SLC11A2: variants seen among roughly 807,000 people sequenced by gnomAD.
SLC11A2 encodes natural resistance-associated macrophage protein 2.
In SLC11A2, 38 loss-of-function variants were observed where a neutral mutation model predicts 68.0. That is an observed-to-expected ratio of 0.56 (90% confidence interval 0.43 to 0.73). The LOEUF is 0.73. SLC11A2 is among the 30% of genes least tolerant of loss of function. The probability of loss-of-function intolerance (pLI) is 0.00; values close to 1 mark genes in which losing one functional copy is unlikely to be tolerated. For synonymous variants in SLC11A2, 242 were observed against 250.6 expected (o/e 0.97, Z 0.32); for missense variants, 517 against 690.5 (o/e 0.75, Z 2.82).
intron 8 of SLC11A2, among the ~76,000 whole-genome samples, chr12:50,998,716 G>A (rs1047992396): frequency 2.0e-5 from 3 of 152,146 alleles, no homozygotes; most frequent in Admixed American, 2.0e-4. Flanking sequence ...CTGGGTTGGG[G>A]CACAAACCAG....
chr12:50,999,084 G>A, intron 8 of SLC11A2, 90 bp downstream of exon 8: 1 of 1,095,352 alleles, frequency 9.1e-7, no homozygotes, highest in Non-Finnish European at 1.4e-6. Context: ...AATCATACTA[G>A]CATTATTACT....
At chr12:50,961,116 T>C in the SLC11A2 span, 520 of 1,613,186 alleles carry the variant, frequency 3.2e-4, no homozygotes, top group Non-Finnish European at 3.9e-4. Context: ...ACCCGCTTAA[T>C]TTGTATCTTA....
chr12:50,996,283 C>T (rs978745764), intron 9 of SLC11A2, among the ~76,000 whole-genome samples: 8 of 152,170 alleles, frequency 5.3e-5, no homozygotes, highest in African/African-American at 1.9e-4. Flanking sequence ...TTATGAAGAA[C>T]TTTAGTCCCA....
the SLC11A2 span, among the ~76,000 whole-genome samples, chr12:50,964,254 G>A: frequency 6.6e-6 from 1 of 152,216 alleles, no homozygotes; most frequent in Non-Finnish European, 1.5e-5. Flanking sequence ...GTTATTGCTA[G>A]TATTATATCT....
chr12:50,992,328 G>GT lies in SLC11A2; in HGVS notation c.1208dup (p.Asn403LysfsTer38). 3 of 1,613,916 alleles carry GT rather than the reference G, an allele frequency of 1.9e-6. No individual in the cohort carries two copies. The highest frequency in any genetic ancestry group is 2.5e-6 in the Non-Finnish European group (3 of 1,179,958). On this transcript the variant is annotated frameshift_variant, in exon 13 of 16. Coordinates refer to ENST00000262052, the MANE Select transcript of SLC11A2 (RefSeq NM_000617.3). LOFTEE classifies it high-confidence loss of function. ...CTCGGGCAAAGCGTGACCACTTTAGGTTCAGGAATCCCTGGAAGAAAACAT... is the reference window on the plus strand; with the variant it reads ...CTCGGGCAAAGCGTGACCACTTTAGGTTTCAGGAATCCCTGGAAGAAAACAT...
At chr12:50,955,661 A>C in the SLC11A2 span, among the ~76,000 whole-genome samples, 11,362 of 152,296 alleles carry the variant, frequency 0.075, 784 homozygotes, top group East Asian at 0.28. Context: ...AAAGAATCAA[A>C]TTTTACTTTA....
intron 1 of SLC11A2, among the ~76,000 whole-genome samples, chr12:51,015,357 C>T (rs1943564078): frequency 1.3e-5 from 2 of 151,040 alleles, no homozygotes; most frequent in South Asian, 2.1e-4. Context: ...TGCCTGTAAT[C>T]CCAGCTACTC....
chr12:50,978,850 T>C (rs1395280109), downstream of SLC11A2, among the ~76,000 whole-genome samples: 1 of 152,170 alleles, frequency 6.6e-6, no homozygotes, highest in South Asian at 2.1e-4. Context: ...GAGAAGGCTG[T>C]TTATATTAGC....
At chr12:51,008,295 T>C (rs893782373) in intron 3 of SLC11A2, 181 bp downstream of exon 3, 5 of 560,036 alleles carry the variant, frequency 8.9e-6, no homozygotes, top group Non-Finnish European at 1.6e-5. Flanking sequence ...TAGATAGATA[T>C]AGATGGGGTG....
At chr12:50,960,848 A>AT in the SLC11A2 span, 3 of 786,744 alleles carry the variant, frequency 3.8e-6, no homozygotes, top group South Asian at 2.2e-5. Flanking sequence ...ATGTGTGGCT[A>AT]ATTTTTTTTT....
intron 3 of SLC11A2, among the ~76,000 whole-genome samples, chr12:51,006,956 C>G (rs1018970682): frequency 6.6e-6 from 1 of 152,090 alleles, no homozygotes; most frequent in Non-Finnish European, 1.5e-5. Flanking sequence ...ATTGCCCAAG[C>G]TGGTTGGTCT....
At chr12:50,959,213 G>A in the SLC11A2 span, among the ~76,000 whole-genome samples, 3 of 151,826 alleles carry the variant, frequency 2.0e-5, no homozygotes, top group African/African-American at 7.3e-5. Context: ...TCTGCCTCCC[G>A]GGTTCAAGCG....
chr12:51,008,239 TAG>T lies in SLC11A2; in HGVS notation c.183+235_183+236del, dbSNP rs1566020156. On this transcript the variant is annotated intron_variant, in intron 3 of 15. Transcript: ENST00000262052. Reference sequence around the variant, plus strand: ...TTAGATAGACAGATAGATAGATAGATAGATAGATAGATAGATAGATAGACGGA... The same window carrying T: ...TTAGATAGACAGATAGATAGATAGATATAGATAGATAGATAGATAGACGGA... The T allele has an allele frequency of 4.3e-5, 18 of 417,184 alleles. 1 individual carries two copies. Among genetic ancestry groups the T allele is most frequent in the South Asian group, 3.0e-4 (12 of 40,618 alleles). 25.8% of individuals were successfully genotyped at this position (417,184 alleles called of 1,614,324 possible).
chr12:50,993,149 T>TC, intron 11 of SLC11A2: 2 of 529,460 alleles, frequency 3.8e-6, no homozygotes, highest in Non-Finnish European at 6.8e-6. Flanking sequence ...CTCTGCCTAG[T>TC]CCTTTCTCTT....
downstream of SLC11A2, among the ~76,000 whole-genome samples, chr12:50,978,518 G>T (rs144667851): frequency 3.6e-3 from 539 of 147,938 alleles, 5 homozygotes; most frequent in African/African-American, 0.012. Flanking sequence ...GGGAGGGATA[G>T]CATTAGGAGA....
At chr12:50,992,738 AAAAAAAAAG>A in intron 12 of SLC11A2, 63 bp downstream of exon 12, 2 of 1,445,944 alleles carry the variant, frequency 1.4e-6, no homozygotes, top group Non-Finnish European at 9.4e-7. Flanking sequence ...CTCAAAAAAA[AAAAAAAAAG>A]AAGAAGAAGA....
chr12:51,027,044 C>T (rs1276185337), upstream of SLC11A2, among the ~76,000 whole-genome samples: 6 of 152,096 alleles, frequency 3.9e-5, no homozygotes, highest in African/African-American at 1.4e-4. Flanking sequence ...GGCGTGGTGG[C>T]GCATGCCTGT....
chr12:50,963,258 T>C, the SLC11A2 span, among the ~76,000 whole-genome samples: 1 of 148,776 alleles, frequency 6.7e-6, no homozygotes, highest in Admixed American at 6.9e-5. Context: ...TAATCCCAGC[T>C]ACTCAGGAGG....
At chr12:50,985,983 G>A (rs1226791338), downstream of SLC11A2, 3 of 1,141,818 alleles carry the variant, frequency 2.6e-6, no homozygotes, top group Admixed American at 1.3e-4. Flanking sequence ...AAATACCCAG[G>A]AAACCAAATT....
Sources: allele counts gnomAD v4.1 joint callset (sites outside exome capture counted in the v4.1 genomes callset), GRCh38; gene constraint gnomAD v4.1.1; transcripts MANE v1.5; gene names NCBI Gene and HGNC (gene_info 2026-07-23, HGNC 2026-07-21).